PCDHGB5: variants seen among roughly 807,000 people sequenced by gnomAD.
PCDHGB5 encodes protocadherin gamma-B5.
A neutral mutation model predicts 62.9 loss-of-function variants in PCDHGB5; 48 were observed. That is an observed-to-expected ratio of 0.76 (90% CI 0.61 to 0.97). The LOEUF (loss-of-function observed/expected upper bound fraction) is 0.97, where lower values mean the gene tolerates loss of function less well. Ranked by LOEUF, PCDHGB5 falls within the 50% of genes least tolerant of loss-of-function variation. PCDHGB5 has a pLI of 0.00. For synonymous variants in PCDHGB5, 474 were observed against 511.2 expected (o/e 0.93, Z 0.98); for missense variants, 1,118 against 1,198.6 (o/e 0.93, Z 0.99).
intron 1 of PCDHGB5, among the ~76,000 whole-genome samples, chr5:141,437,452 G>GACTAT (rs1319101256): frequency 6.6e-6 from 1 of 152,144 alleles, no homozygotes; most frequent in Non-Finnish European, 1.5e-5. Context: ...ATGTTGAGGA[G>GACTAT]ACTATACTAT....
intron 1 of PCDHGB5, chr5:141,441,530 A>T (rs2154559371): frequency 5.8e-6 from 1 of 172,118 alleles, no homozygotes; most frequent in Non-Finnish European, 1.2e-5. Flanking sequence ...GCCAAGAACA[A>T]TCTTCCCAAA....
intron 1 of PCDHGB5, among the ~76,000 whole-genome samples, chr5:141,467,903 C>G (rs1256664266): frequency 6.6e-6 from 1 of 152,156 alleles, no homozygotes. Context: ...AAGAAATCCG[C>G]CCACCTCAGC....
chr5:141,436,051 A>G (rs2097793554), intron 1 of PCDHGB5, among the ~76,000 whole-genome samples: 1 of 152,194 alleles, frequency 6.6e-6, no homozygotes, highest in Admixed American at 6.5e-5. Flanking sequence ...ATTAGTTTTC[A>G]AATAGAATTT....
chr5:141,405,215 C>T, intron 1 of PCDHGB5: 1 of 1,614,078 alleles, frequency 6.2e-7, no homozygotes, highest in Non-Finnish European at 8.5e-7. Flanking sequence ...GACCTATTCT[C>T]AGGAGTTCTC....
At position 141,491,952 on chromosome 5, in the gene PCDHGB5, C is replaced by A; in HGVS notation, c.2398-2855C>A. 9.4e-7 allele frequency: 1 copy of A among 1,062,954 alleles called. No homozygotes were observed. The allele number at this position is 1,062,954 out of a possible 1,614,324, so 65.8% of individuals were successfully genotyped here. On this transcript the variant is annotated intron_variant, in intron 1 of 3. Coordinates refer to ENST00000617380, the MANE Select transcript of PCDHGB5 (RefSeq NM_018925.3). The surrounding 1 kb of genome is among the most constrained non-coding windows in gnomAD (Gnocchi z 6.9). ...GGTGGGACCGACCCCCACCCCTACA[C>A]TCAAAAAAGGCCGGGGCCTCCTTCG...
In PCDHGB5 at chr5:141,501,310, C is replaced by T. The variant is rs958976594; in HGVS notation, c.2457-4083C>T. ...CCTTATACACACACACACACACACA[C>T]ACACACACACACACACACACACACC... On this transcript the variant is annotated intron_variant, in intron 2 of 3. Transcript: ENST00000617380. Among the ~76,000 whole-genome samples, 4 of 151,684 alleles carry T rather than the reference C, an allele frequency of 2.6e-5. No individual in the cohort carries two copies. The South Asian group carries it at 8.3e-4, about 32-fold the overall frequency.
chr5:141,489,713 A>G lies in PCDHGB5; in HGVS notation c.2398-5094A>G. On this transcript the variant is annotated intron_variant, in intron 1 of 3. Coordinates refer to ENST00000617380, the MANE Select transcript of PCDHGB5 (RefSeq NM_018925.3). The surrounding 1 kb of genome is among the most constrained non-coding windows in gnomAD (Gnocchi z 4.5). The stretch of plus-strand genomic sequence containing the variant: ...GCACGATTCCCACTGGACAGTGCCC[A>G]GGATCCGGATGTGGGCACCAATACT... 1.9e-6 allele frequency: 3 copies of G among 1,614,162 alleles called. No individual in the cohort carries two copies. The highest frequency in any genetic ancestry group is 2.5e-6 in the Non-Finnish European group (3 of 1,179,968).
At chr5:141,405,173 G>A (rs774181376) in intron 1 of PCDHGB5, 1 of 1,614,122 alleles carries the variant, frequency 6.2e-7, no homozygotes, top group Non-Finnish European at 8.5e-7. Context: ...CTCACACTTT[G>A]TGGGTGTAGA....
At chr5:141,463,412 A>G (rs1397215687) in intron 1 of PCDHGB5, among the ~76,000 whole-genome samples, 9 of 127,856 alleles carry the variant, frequency 7.0e-5, no homozygotes, top group Non-Finnish European at 1.5e-4. Flanking sequence ...TGGAGATCCT[A>G]GTTTGCGGAT....
At chr5:141,482,801 G>C (rs1230060558) in intron 1 of PCDHGB5, among the ~76,000 whole-genome samples, 1 of 152,176 alleles carries the variant, frequency 6.6e-6, no homozygotes, top group African/African-American at 2.4e-5. Flanking sequence ...GCCGGGTACG[G>C]TGGCTCATGC....
At chr5:141,428,223 A>G in intron 1 of PCDHGB5, 1 of 1,169,680 alleles carries the variant, frequency 8.5e-7, no homozygotes. Context: ...TAGTCTTCGC[A>G]GACAGCCTGC....
At position 141,477,039 on chromosome 5, in the gene PCDHGB5, G is replaced by C. The variant is rs1313580652; in HGVS notation, c.2398-17768G>C. Reference sequence around the variant, plus strand: ...GTAACCGGGATGCTGACAATCAAGGGTCGGCTGGACTTCGAGGACACCAAA... The same window carrying C: ...GTAACCGGGATGCTGACAATCAAGGCTCGGCTGGACTTCGAGGACACCAAA... On this transcript the variant is annotated intron_variant, in intron 1 of 3. Coordinates refer to ENST00000617380, the MANE Select transcript of PCDHGB5 (RefSeq NM_018925.3). This position sits in a 1 kb window ranked among gnomAD's most constrained non-coding sequence, Gnocchi z 4.9. 1 of 1,614,144 alleles carries C rather than the reference G, an allele frequency of 6.2e-7. No individual in the cohort carries two copies. The highest frequency in any genetic ancestry group is 8.5e-7 in the Non-Finnish European group (1 of 1,180,056).
intron 3 of PCDHGB5, among the ~76,000 whole-genome samples, chr5:141,506,402 G>A (rs1032556978): frequency 2.8e-5 from 4 of 143,790 alleles, no homozygotes; most frequent in East Asian, 2.0e-4. Flanking sequence ...GCAGAAAATC[G>A]CACCACTGCA....
At chr5:141,408,297 C>G in intron 1 of PCDHGB5, 1 of 1,613,652 alleles carries the variant, frequency 6.2e-7, no homozygotes, top group East Asian at 2.2e-5. Flanking sequence ...CTGAGTGAGC[C>G]GATCCGCTAC....
In PCDHGB5 at chr5:141,398,915, A is replaced by G; in HGVS notation, c.788A>G (p.Gln263Arg). ...ENVPPGTTVL[Q>R]VSATDQDEGI... ...GTGCCACCAGGCACCACTGTGTTGC[A>G]AGTGTCAGCCACTGACCAAGACGAG... The change falls in exon 1 of 4, where the codon CAA becomes CGA. Residue 263 changes from glutamine (Q) to arginine (R), a missense_variant. Coordinates refer to ENST00000617380, the MANE Select transcript of PCDHGB5 (RefSeq NM_018925.3). The G allele has an allele frequency of 6.2e-7, 1 of 1,614,002 alleles. No individual in the cohort carries two copies. Among genetic ancestry groups the G allele is most frequent in the Non-Finnish European group, 8.5e-7 (1 of 1,179,902 alleles).
chr5:141,481,781 G>A (rs957054361), intron 1 of PCDHGB5, among the ~76,000 whole-genome samples: 3 of 151,998 alleles, frequency 2.0e-5, no homozygotes, highest in Admixed American at 6.6e-5. Context: ...GTGAAACCCC[G>A]TCTCTACTAA....
chr5:141,454,893 C>T (rs1414320972), intron 1 of PCDHGB5, among the ~76,000 whole-genome samples: 7 of 146,892 alleles, frequency 4.8e-5, no homozygotes, highest in Admixed American at 1.4e-4. Flanking sequence ...CTGCTAGCAC[C>T]GCCTCCCGGG....
intron 1 of PCDHGB5, among the ~76,000 whole-genome samples, chr5:141,466,965 C>G (rs1345790988): frequency 6.6e-6 from 1 of 152,016 alleles, no homozygotes; most frequent in African/African-American, 2.4e-5. Context: ...CAAATATTTT[C>G]TCACAGCTCA....
At chr5:141,419,542 G>C (rs771168003) in intron 1 of PCDHGB5, 3 of 1,612,016 alleles carry the variant, frequency 1.9e-6, no homozygotes, top group South Asian at 2.2e-5. Flanking sequence ...ACGCACCGCG[G>C]GTGCTGTACC....
Sources: allele counts gnomAD v4.1 joint callset (sites outside exome capture counted in the v4.1 genomes callset), GRCh38; gene constraint gnomAD v4.1.1; non-coding constraint Gnocchi (gnomAD v3.1); transcripts MANE v1.5; gene names NCBI Gene and HGNC (gene_info 2026-07-23, HGNC 2026-07-21).